Variants in DEPDC7 observed in about 807,000 individuals in gnomAD.
The protein encoded by DEPDC7 is DEP domain containing 7.
DEPDC7 carries 41 observed loss-of-function variants against 56.6 expected under a neutral mutation model. The ratio of observed to expected loss-of-function variants is 0.72; its 90% CI spans 0.56 to 0.94. The LOEUF (loss-of-function observed/expected upper bound fraction) is 0.94, where lower values mean the gene tolerates loss of function less well. Ranked by LOEUF, DEPDC7 falls within the 40% of genes least tolerant of loss-of-function variation. The pLI is 0.00. For missense variants in DEPDC7, 522 were observed against 596.3 expected (o/e 0.88, Z 1.30); for synonymous variants, 185 against 208.8 (o/e 0.89, Z 0.98).
intron 1 of DEPDC7, among the ~76,000 whole-genome samples, chr11:33,024,306 G>T (rs1305523870): frequency 6.6e-6 from 1 of 152,204 alleles, no homozygotes; most frequent in African/African-American, 2.4e-5. Flanking sequence ...TAGGTCATAA[G>T]CTCCTATAGG....
At chr11:33,016,962 GTAAAA>G (rs1211506191) in intron 1 of DEPDC7, among the ~76,000 whole-genome samples, 3 of 152,108 alleles carry the variant, frequency 2.0e-5, no homozygotes, top group African/African-American at 7.2e-5. Context: ...CCTTTCATTT[GTAAAA>G]ACACCAACCA....
chr11:33,015,898 C>G lies in DEPDC7; in HGVS notation c.-58C>G, dbSNP rs1853449955. On this transcript the variant is annotated 5_prime_UTR_variant, in exon 1 of 9. Coordinates refer to ENST00000241051, the MANE Select transcript of DEPDC7 (RefSeq NM_001077242.2). ...CCCGCACAGTTAACAGACGGGCGCT[C>G]AGGGAGCTAGGGAGCTGTGAAGCTG... 5 of 1,505,494 alleles carry G rather than the reference C, an allele frequency of 3.3e-6. No individual in the cohort carries two copies. The highest frequency in any genetic ancestry group is 3.6e-6 in the Non-Finnish European group (4 of 1,116,608). The allele number at this position is 1,505,494 out of a possible 1,614,324, so 93.3% of individuals were successfully genotyped here. A position where few individuals can be genotyped will look rare whatever the true frequency, so the allele number is the denominator to read the frequency against.
rs375376720 is a variant in DEPDC7 at position 33,017,861 on chromosome 11, G to C, written c.73+1833G>C. Among the ~76,000 whole-genome samples, 67 of 152,264 alleles carry C rather than the reference G, an allele frequency of 4.4e-4. 1 individual carries two copies. The highest frequency in any genetic ancestry group is 1.6e-3 in the African/African-American group (65 of 41,560). On this transcript the variant is annotated intron_variant, in intron 1 of 8. Transcript: ENST00000241051. ...TTCAGCCAGTATGTCAAAAACACTT[G>C]TCTTTTAATACGACAAACAAGAAAG...
At chr11:33,023,639 T>C (rs1590207567) in intron 1 of DEPDC7, among the ~76,000 whole-genome samples, 1 of 152,274 alleles carries the variant, frequency 6.6e-6, no homozygotes, top group East Asian at 1.9e-4. Flanking sequence ...GTTCAAGCAA[T>C]TCTCTGCCTC....
rs1325961630 is a variant in DEPDC7 at position 33,016,539 on chromosome 11, G to A, written c.73+511G>A. 3 of 1,614,084 alleles carry A rather than the reference G, an allele frequency of 1.9e-6. No homozygotes were observed. The African/African-American group carries it at 4.0e-5, about 22-fold the overall frequency. ...GTCTCCCCAGACTCTTCCTGGGAGG[G>A]ATGAGAGGTTTATGTGAGTTCTACT... is the stretch of plus-strand genomic sequence containing the variant. On this transcript the variant is annotated intron_variant, in intron 1 of 8. Coordinates refer to ENST00000241051, the MANE Select transcript of DEPDC7 (RefSeq NM_001077242.2).
chr11:33,026,120 C>T (rs777639817), intron 2 of DEPDC7, 71 bp downstream of exon 2: 8 of 1,533,278 alleles, frequency 5.2e-6, no homozygotes, highest in Non-Finnish European at 6.3e-6. Context: ...GAGATGCCTA[C>T]TGGCTTTATA....
intron 8 of DEPDC7, 112 bp from the exon 9 acceptor site, chr11:33,033,150 G>A: frequency 1.1e-6 from 1 of 930,272 alleles, no homozygotes; most frequent in Non-Finnish European, 1.6e-6. Context: ...CATCTTCAGT[G>A]CATATTACAA....
intron 2 of DEPDC7, 81 bp downstream of exon 2, chr11:33,026,130 A>G (rs1475617532): frequency 6.0e-6 from 9 of 1,503,556 alleles, no homozygotes; most frequent in East Asian, 2.3e-5. Context: ...CTGGCTTTAT[A>G]TTACATTTTT....
Position 33,033,323 on chromosome 11 carries a change from C to T in DEPDC7, c.1404C>T (p.Thr468=), listed in dbSNP as rs1265779603. ...ATTCCAACAATACAGAGAAGACAAC[C>T]AAAGATGAGCTGTTGAATTTACTAA... is the stretch of plus-strand genomic sequence containing the variant. ...RDYSNNTEKT[T]KDELLNLLKT... Residue 468 remains threonine (T), a synonymous_variant, in exon 9 of 9, where the codon ACC becomes ACT. Coordinates refer to ENST00000241051, the MANE Select transcript of DEPDC7 (RefSeq NM_001077242.2). 1.9e-6 allele frequency: 3 copies of T among 1,607,518 alleles called. No homozygotes were observed. Among genetic ancestry groups the T allele is most frequent in the South Asian group, 1.1e-5 (1 of 89,834 alleles).
chr11:33,025,621 A>C (rs753497220), intron 1 of DEPDC7, 38 bp from the exon 2 acceptor site: 2 of 1,569,676 alleles, frequency 1.3e-6, no homozygotes, highest in South Asian at 2.4e-5. Flanking sequence ...TGAACAAGGT[A>C]CTAAATCCCA....
chr11:33,031,612 C>G (rs918277351), intron 5 of DEPDC7, 23 bp downstream of exon 5: 3 of 1,569,304 alleles, frequency 1.9e-6, no homozygotes, highest in Non-Finnish European at 2.6e-6. Flanking sequence ...TAACTGGATA[C>G]TAGCATTTAT....
In DEPDC7 at chr11:33,015,919, A is replaced by G. The variant is rs1302263529; in HGVS notation, c.-37A>G. 3.2e-6 allele frequency: 5 copies of G among 1,545,660 alleles called. No individual in the cohort carries two copies. In the Admixed American group the frequency reaches 9.8e-5, roughly 30 times the overall value. On this transcript the variant is annotated 5_prime_UTR_variant, in exon 1 of 9. Coordinates refer to ENST00000241051, the MANE Select transcript of DEPDC7 (RefSeq NM_001077242.2). ...CGCTCAGGGAGCTAGGGAGCTGTGA[A>G]GCTGCTGGAGGAGTTGGCGTCCGGG...
chr11:33,031,381 A>C lies in DEPDC7; in HGVS notation c.786A>C (p.Glu262Asp). 1 of 1,613,464 alleles carries C rather than the reference A, an allele frequency of 6.2e-7. No individual in the cohort carries two copies. The highest frequency in any genetic ancestry group is 8.5e-7 in the Non-Finnish European group (1 of 1,179,342). The change falls in exon 5 of 9, where the codon GAA (glutamate) becomes GAC (aspartate). Residue 262 changes from glutamate to aspartate, a missense_variant. Glu to Asp is a conservative substitution (Grantham distance 45). Coordinates refer to ENST00000241051, the MANE Select transcript of DEPDC7 (RefSeq NM_001077242.2). ...GILKAYSDSQ[E>D]DEWLSAAIDC... ...AATCTTCCCCTCTCCCCTATAGGGA[A>C]GATGAGTGGCTCTCGGCAGCAATTG...
At chr11:33,031,639 GA>G (rs1315520316) in intron 5 of DEPDC7, 50 bp downstream of exon 5, 1 of 1,467,130 alleles carries the variant, frequency 6.8e-7, no homozygotes, top group Admixed American at 1.7e-5. Flanking sequence ...GAGGAAACAA[GA>G]AAAAGTTAGT....
chr11:33,024,434 A>ATGTG (rs760322915), intron 1 of DEPDC7, among the ~76,000 whole-genome samples: 1 of 151,550 alleles, frequency 6.6e-6, no homozygotes, highest in South Asian at 2.1e-4. Context: ...ATCAATGTGT[A>ATGTG]TGTGTGTGTG....
intron 1 of DEPDC7, among the ~76,000 whole-genome samples, chr11:33,022,301 T>TA (rs1292653343): frequency 6.6e-6 from 1 of 152,236 alleles, no homozygotes; most frequent in Non-Finnish European, 1.5e-5. Flanking sequence ...TTGGCTCTCT[T>TA]AAAGCTGTTT....
chr11:33,032,586 C>T (rs977264167), intron 6 of DEPDC7, 82 bp from the exon 7 acceptor site: 14 of 1,328,932 alleles, frequency 1.1e-5, no homozygotes, highest in Non-Finnish European at 1.4e-5. Context: ...TGTATAATAG[C>T]TATTAATATT....
chr11:33,022,819 G>C (rs1261896941), intron 1 of DEPDC7, among the ~76,000 whole-genome samples: 3 of 152,150 alleles, frequency 2.0e-5, no homozygotes, highest in African/African-American at 4.8e-5. Context: ...TCTAATTCCA[G>C]CTTGATTTAT....
chr11:33,024,286 G>A (rs1458320833), intron 1 of DEPDC7, among the ~76,000 whole-genome samples: 1 of 152,174 alleles, frequency 6.6e-6, no homozygotes, highest in Admixed American at 6.5e-5. Context: ...TGCGTACTCT[G>A]TCTTTGCAAT....
Sources: allele counts gnomAD v4.1 joint callset (sites outside exome capture counted in the v4.1 genomes callset), GRCh38; gene constraint gnomAD v4.1.1; transcripts MANE v1.5; gene names NCBI Gene and HGNC (gene_info 2026-07-23, HGNC 2026-07-21).